The following CATSPERG variants were observed in gnomAD, a reference collection of about 807,000 sequenced individuals.
CATSPERG encodes catsper channel auxiliary subunit gamma, also known as cation channel sperm-associated auxiliary subunit gamma.
Under a neutral mutation model 145.0 loss-of-function variants are expected in CATSPERG, and 115 were observed. The ratio of observed to expected loss-of-function variants is 0.79; its 90% confidence interval spans 0.68 to 0.93. The LOEUF is 0.93. CATSPERG is among the 40% of genes least tolerant of loss of function. CATSPERG has a pLI of 0.00. For synonymous variants in CATSPERG, 588 were observed against 589.0 expected, an observed-to-expected ratio of 1.00 and a Z score of 0.02; for missense variants, 1,296 against 1,490.1, an observed-to-expected ratio of 0.87 and a Z score of 2.14.
chr19:38,337,604 C>T lies in CATSPERG; in HGVS notation c.282C>T (p.Gly94=), dbSNP rs1969863988. The T allele has an allele frequency of 2.6e-6, 4 of 1,551,772 alleles. No individual in the cohort carries two copies. The highest frequency in any genetic ancestry group is 2.6e-6 in the Non-Finnish European group (3 of 1,147,008). ...ACCTCTCTTTGCAGAAATACCTGGG[C>T]TTCCCTTACTACCTGAAGATCAACT... The part of the protein sequence containing the change: ...SPIDPSEKYL[G]FPYYLKINYS... Residue 94 remains glycine, a synonymous_variant, in exon 3 of 29, where the codon GGC becomes GGT. Transcript: ENST00000409235.
chr19:38,338,928 A>G (rs2145058807), intron 3 of CATSPERG, among the ~76,000 whole-genome samples: 1 of 152,122 alleles, frequency 6.6e-6, no homozygotes, highest in African/African-American at 2.4e-5. Context: ...TGTTGGGGTG[A>G]TCAGACCCAA....
chr19:38,338,667 T>A (rs1969885515), intron 3 of CATSPERG, among the ~76,000 whole-genome samples: 1 of 152,126 alleles, frequency 6.6e-6, no homozygotes, highest in South Asian at 2.1e-4. Context: ...GGACTAGTTG[T>A]GCGCCACCAC....
In CATSPERG at chr19:38,358,874, G is replaced by C. The variant is rs186121582; in HGVS notation, c.1496+313G>C. ...TTGTTTTTGTTTTTGTTTTGGGACA[G>C]AGTCTCACTCTGTCACCCAGGCTAC... On this transcript the variant is annotated intron_variant, in intron 13 of 28. Coordinates refer to ENST00000409235, the MANE Select transcript of CATSPERG (RefSeq NM_021185.5). 2.5e-3 allele frequency among the ~76,000 whole-genome samples: 375 copies of C among 152,018 alleles called. 9 individuals are homozygous for C. In the East Asian group the frequency reaches 0.048, roughly 20 times the overall value.
At chr19:38,339,920 T>C (rs1333571122) in intron 3 of CATSPERG, among the ~76,000 whole-genome samples, 1 of 151,766 alleles carries the variant, frequency 6.6e-6, no homozygotes, top group Non-Finnish European at 1.5e-5. Context: ...AGTGGCGTGA[T>C]CTTGGCTCAC....
rs1600470161 is a variant in CATSPERG, at chr19:38,357,373, AG to A, written c.1315+513del. On this transcript the variant is annotated intron_variant, in intron 11 of 28. Transcript: ENST00000409235. The stretch of plus-strand genomic sequence containing the variant: ...AAATTAAAAAAAAAAAAAAAAAAAA[AG>A]TAGCTGAGTATGGAGTCGCACCTGT... Among the ~76,000 whole-genome samples, 6 of 110,656 alleles carry A rather than the reference AG, an allele frequency of 5.4e-5. No homozygotes were observed. The East Asian group carries it at 1.7e-3, about 31-fold the overall frequency. The allele number at this position is 110,656 out of a possible 152,430, so 72.6% of individuals were successfully genotyped here.
rs762479461 is a variant in CATSPERG at position 38,354,835 on chromosome 19, G to A, written c.1123G>A (p.Gly375Arg). The change falls in exon 9 of 29, where the codon GGG becomes AGG. Residue 375 changes from glycine (G) to arginine (R), a missense_variant. By Grantham distance (125) the Gly-to-Arg change is moderately radical. Transcript: ENST00000409235. ...CAAGCATGAGGGTTATGTACACTTC[G>A]GGACCATCAGAGGTAAGGGTGTGGG... ...TGKHEGYVHF[G>R]TIRDGQVSFE... The A allele has an allele frequency of 1.6e-5, 26 of 1,613,914 alleles. No homozygotes were observed. Among genetic ancestry groups the A allele is most frequent in the Non-Finnish European group, 2.0e-5 (24 of 1,179,972 alleles).
rs930345092 is a variant in CATSPERG at position 38,337,510 on chromosome 19, G to A, written c.270+6G>A. 28 of 1,552,018 alleles carry A rather than the reference G, an allele frequency of 1.8e-5. No homozygotes were observed. Among genetic ancestry groups the A allele is most frequent in the Non-Finnish European group, 2.4e-5 (27 of 1,147,064 alleles). On this transcript the variant is annotated splice_donor_region_variant and intron_variant, in intron 2 of 28. Coordinates refer to ENST00000409235, the MANE Select transcript of CATSPERG (RefSeq NM_021185.5). ...CACCCATCGACCCGAGCGAGGTGAGGGGACCAGGGTCAAGTGAACCAGAGG... is the reference window on the plus strand; with the variant it reads ...CACCCATCGACCCGAGCGAGGTGAGAGGACCAGGGTCAAGTGAACCAGAGG...
intron 3 of CATSPERG, among the ~76,000 whole-genome samples, chr19:38,342,691 A>G (rs1320259943): frequency 6.6e-6 from 1 of 151,540 alleles, no homozygotes; most frequent in African/African-American, 2.4e-5. Context: ...CAGGTGCTGA[A>G]TCTGGTAAAT....
intron 7 of CATSPERG, among the ~76,000 whole-genome samples, chr19:38,346,916 G>A (rs1970050698): frequency 1.3e-5 from 2 of 152,138 alleles, no homozygotes; most frequent in Admixed American, 1.3e-4. Context: ...GATGATATAA[G>A]TTAATAGTTT....
At chr19:38,339,860 CTT>C (rs113183115) in intron 3 of CATSPERG, among the ~76,000 whole-genome samples, 1 of 144,746 alleles carries the variant, frequency 6.9e-6, no homozygotes. Context: ...TGAGATTCTT[CTT>C]TTTTTTTTTT....
intron 26 of CATSPERG, among the ~76,000 whole-genome samples, chr19:38,368,605 A>C (rs550338526): frequency 6.6e-6 from 1 of 152,324 alleles, no homozygotes; most frequent in African/African-American, 2.4e-5. Context: ...ATGCAGTGGC[A>C]AGATCTCAGC....
chr19:38,361,209 A>G (rs1026749140), intron 16 of CATSPERG, among the ~76,000 whole-genome samples: 22 of 151,972 alleles, frequency 1.4e-4, no homozygotes, highest in African/African-American at 4.8e-4. Context: ...CTTCATCTTG[A>G]GGGTCTTGGG....
intron 22 of CATSPERG, 166 bp from the exon 23 acceptor site, chr19:38,366,990 G>A: frequency 1.6e-6 from 1 of 637,716 alleles, no homozygotes; most frequent in Non-Finnish European, 2.7e-6. Context: ...CACTGCACCA[G>A]GCCGTGTTAA....
intron 8 of CATSPERG, 114 bp from the exon 9 acceptor site, chr19:38,354,596 G>A: frequency 1.6e-6 from 2 of 1,253,256 alleles, no homozygotes; most frequent in Non-Finnish European, 2.2e-6. Flanking sequence ...CTGAACGGGT[G>A]CTTCAGCATG....
chr19:38,352,282 G>A lies in CATSPERG; in HGVS notation c.847G>A (p.Val283Met), dbSNP rs1322226202. 6.4e-7 allele frequency: 1 copy of A among 1,551,534 alleles called. No homozygotes were observed. The highest frequency in any genetic ancestry group is 1.2e-5 in the South Asian group (1 of 84,054). The part of the protein sequence containing the change: ...LVELSIDSCW[V>M]GSFYCPHSGF... ...GCAGCTGAGCATTGACAGTTGCTGG[G>A]TGGGCTCCTTCTACTGCCCCCATTC... Residue 283 changes from valine (V) to methionine (M), a missense_variant, in exon 8 of 29, where the codon GTG becomes ATG. Val to Met is a conservative substitution (Grantham distance 21). Coordinates refer to ENST00000409235, the MANE Select transcript of CATSPERG (RefSeq NM_021185.5).
chr19:38,362,708 G>A lies in CATSPERG; in HGVS notation c.2357-6G>A, dbSNP rs761804833. The A allele has an allele frequency of 5.4e-5, 87 of 1,613,778 alleles. No individual in the cohort carries two copies. The Admixed American group carries it at 1.4e-3, about 27-fold the overall frequency. ...AGGCCTTAACCCCGTTTACTGCCCG[G>A]AGCAGGCACCGCCTTCCAGCTGCAT... On this transcript the variant is annotated splice_polypyrimidine_tract_variant and splice_region_variant and intron_variant, in intron 19 of 28. Transcript: ENST00000409235.
intron 20 of CATSPERG, among the ~76,000 whole-genome samples, chr19:38,364,670 G>A (rs1200063794): frequency 1.3e-5 from 2 of 152,234 alleles, no homozygotes; most frequent in African/African-American, 4.8e-5. Context: ...CTGCAATCCC[G>A]GCACCTCGGG....
rs1246207484 is a variant in CATSPERG at position 38,344,353 on chromosome 19, C to T, written c.654C>T (p.Phe218=). Residue 218 remains phenylalanine (F), a synonymous_variant, in exon 6 of 29, where the codon TTC becomes TTT. Transcript: ENST00000409235. ...LKRDRDNNIQ[F]TVGEELFNLM... ...GAGACCGGGACAATAACATCCAATTCACTGTGGGAGAGGAGGTGAGGGAAT... is the reference window on the plus strand; with the variant it reads ...GAGACCGGGACAATAACATCCAATTTACTGTGGGAGAGGAGGTGAGGGAAT... 7 of 1,551,546 alleles carry T rather than the reference C, an allele frequency of 4.5e-6. No homozygotes were observed. The highest frequency in any genetic ancestry group is 6.1e-6 in the Non-Finnish European group (7 of 1,146,924).
rs774953779 is a variant in CATSPERG, at chr19:38,370,794, T to A, written c.*2T>A. On this transcript the variant is annotated 3_prime_UTR_variant, in exon 29 of 29. Transcript: ENST00000409235. ...GTGGAGAGACAGTTGATGACCTGAG[T>A]GTCCCACCTGCCCCAGCCCCCAGTT... 1 of 1,611,646 alleles carries A rather than the reference T, an allele frequency of 6.2e-7. No homozygotes were observed. Among genetic ancestry groups the A allele is most frequent in the Non-Finnish European group, 8.5e-7 (1 of 1,178,152 alleles).
Sources: allele counts gnomAD v4.1 joint callset (sites outside exome capture counted in the v4.1 genomes callset), GRCh38; gene constraint gnomAD v4.1.1; transcripts MANE v1.5; gene names NCBI Gene and HGNC (gene_info 2026-07-23, HGNC 2026-07-21).